CPNE8: variants seen among roughly 807,000 people sequenced by gnomAD.
CPNE8 encodes copine-8.
CPNE8 carries 45 observed loss-of-function variants against 81.5 expected under a neutral mutation model. The observed-to-expected ratio is 0.55, with a 90% CI of 0.44 to 0.71. The LOEUF is 0.71. Among genes scored for constraint, CPNE8 ranks in the 30% least tolerant of loss-of-function variants. CPNE8 has a pLI of 0.00. For missense variants in CPNE8, 594 were observed against 672.1 expected (o/e 0.88, Z 1.28); for synonymous variants, 252 against 226.3 (o/e 1.11, Z -1.02).
At chr12:38,689,269 C>G (rs1303520942) in intron 15 of CPNE8, among the ~76,000 whole-genome samples, 1 of 152,174 alleles carries the variant, frequency 6.6e-6, no homozygotes, top group Non-Finnish European at 1.5e-5. Flanking sequence ...AATCTCACCA[C>G]TCAGACTTAA....
At chr12:38,857,827 C>T (rs1306337880) in intron 3 of CPNE8, among the ~76,000 whole-genome samples, 2 of 152,052 alleles carry the variant, frequency 1.3e-5, no homozygotes, top group Non-Finnish European at 2.9e-5. Context: ...ACCCAGGAGG[C>T]GGAGGTTGCA....
intron 1 of CPNE8, among the ~76,000 whole-genome samples, chr12:38,880,521 C>G (rs1458912485): frequency 1.3e-5 from 2 of 152,170 alleles, no homozygotes; most frequent in Non-Finnish European, 2.9e-5. Context: ...CTGAAAATCC[C>G]TGAGAGTGAC....
intron 1 of CPNE8, among the ~76,000 whole-genome samples, chr12:38,893,279 A>G (rs1428511384): frequency 6.6e-6 from 1 of 152,216 alleles, no homozygotes; most frequent in Non-Finnish European, 1.5e-5. Flanking sequence ...TCACAGAATA[A>G]GATAGAAGTT....
intron 1 of CPNE8, among the ~76,000 whole-genome samples, chr12:38,879,178 T>G (rs1286635734): frequency 2.0e-5 from 3 of 152,122 alleles, no homozygotes; most frequent in African/African-American, 4.8e-5. Context: ...GAATGCACAC[T>G]GTGGTGGAGC....
rs1197082054 is a variant in CPNE8, at chr12:38,735,124, T to C, written c.723-4766A>G. Among the ~76,000 whole-genome samples the C allele has an allele frequency of 1.3e-4, 20 of 152,102 alleles. 1 individual carries two copies. Among genetic ancestry groups the C allele is most frequent in the Admixed American group, 1.3e-3 (20 of 15,260 alleles). On this transcript the variant is annotated intron_variant, in intron 10 of 19. Transcript: ENST00000331366. ...TCTTTTCTCATGGGGAACAACACCC[T>C]TAGTTTTTGTCTCTCATTTGTACTT...
chr12:38,713,460 T>C (rs555707805), intron 13 of CPNE8, among the ~76,000 whole-genome samples: 3 of 152,278 alleles, frequency 2.0e-5, no homozygotes, highest in Admixed American at 2.0e-4. Flanking sequence ...GCCTGGTCCA[T>C]CTGTTTTATC....
chr12:38,665,299 C>T (rs987563737), intron 19 of CPNE8, among the ~76,000 whole-genome samples: 2 of 152,074 alleles, frequency 1.3e-5, no homozygotes, highest in Non-Finnish European at 2.9e-5. Flanking sequence ...GTAATTTAGA[C>T]CCTTATAATA....
intron 19 of CPNE8, among the ~76,000 whole-genome samples, chr12:38,658,434 TGAAAGTGACAG>T (rs1386054305): frequency 1.3e-5 from 2 of 152,290 alleles, no homozygotes; most frequent in East Asian, 3.9e-4. Context: ...TTGGTGTACC[TGAAAGTGACAG>T]GAAAAATGGA....
At chr12:38,715,243 G>T (rs1306257655) in intron 13 of CPNE8, among the ~76,000 whole-genome samples, 1 of 152,034 alleles carries the variant, frequency 6.6e-6, no homozygotes, top group Non-Finnish European at 1.5e-5. Flanking sequence ...CTTGCATCTG[G>T]TCTAAGAGAA....
intron 13 of CPNE8, among the ~76,000 whole-genome samples, chr12:38,714,691 G>A (rs373952334): frequency 7.4e-4 from 113 of 151,854 alleles, no homozygotes; most frequent in African/African-American, 2.5e-3. Flanking sequence ...ATAAAAATTG[G>A]ATTTGGGTTG....
intron 13 of CPNE8, among the ~76,000 whole-genome samples, chr12:38,704,450 A>C (rs1940035230): frequency 6.6e-6 from 1 of 152,118 alleles, no homozygotes; most frequent in Admixed American, 6.6e-5. Flanking sequence ...AATATGTTAC[A>C]AAATGCTCCT....
chr12:38,761,772 A>T (rs1941576708), intron 9 of CPNE8, among the ~76,000 whole-genome samples: 1 of 152,220 alleles, frequency 6.6e-6, no homozygotes, highest in South Asian at 2.1e-4. Context: ...AACTTTTGTG[A>T]ATCAGCAACC....
At chr12:38,795,582 A>G (rs982412460) in intron 6 of CPNE8, among the ~76,000 whole-genome samples, 21 of 152,232 alleles carry the variant, frequency 1.4e-4, no homozygotes, top group African/African-American at 4.8e-4. Context: ...TACAAGAATG[A>G]ATCTTGAAGA....
At chr12:38,790,289 C>T (rs1037967526) in intron 6 of CPNE8, among the ~76,000 whole-genome samples, 6 of 151,618 alleles carry the variant, frequency 4.0e-5, no homozygotes, top group Non-Finnish European at 8.9e-5. Flanking sequence ...CCATTTAAAA[C>T]AATATGGATG....
intron 1 of CPNE8, among the ~76,000 whole-genome samples, chr12:38,895,661 T>C (rs1944379356): frequency 6.6e-6 from 1 of 152,074 alleles, no homozygotes; most frequent in African/African-American, 2.4e-5. Context: ...CAGGAAAGCA[T>C]TCTGTGTTTT....
At chr12:38,890,989 T>C (rs1255004740) in intron 1 of CPNE8, among the ~76,000 whole-genome samples, 10 of 151,626 alleles carry the variant, frequency 6.6e-5, no homozygotes, top group Admixed American at 6.6e-4. Context: ...TGCAGTGGCA[T>C]AGTTTCGGCT....
At chr12:38,784,634 G>C (rs1207248732) in intron 6 of CPNE8, among the ~76,000 whole-genome samples, 1 of 151,934 alleles carries the variant, frequency 6.6e-6, no homozygotes, top group African/African-American at 2.4e-5. Context: ...GCAAGAGAAA[G>C]AAACAAACAC....
chr12:38,704,826 G>GTATATATATA lies in CPNE8; in HGVS notation c.915-1915_915-1906dup, dbSNP rs573232937. Among the ~76,000 whole-genome samples the GTATATATATA allele has an allele frequency of 4.9e-3, 245 of 50,096 alleles. 3 individuals carry two copies. The highest frequency in any genetic ancestry group is 0.026 in the Middle Eastern group (1 of 38). The allele number at this position is 50,096 out of a possible 152,430, so 32.9% of individuals were successfully genotyped here. On this transcript the variant is annotated intron_variant, in intron 13 of 19. Transcript: ENST00000331366. ...GGACCATCTGTGTGTGTATGTATGT[G>GTATATATATA]TATATATATATATATATATATATAT... is the stretch of plus-strand genomic sequence containing the variant.
intron 3 of CPNE8, among the ~76,000 whole-genome samples, chr12:38,870,215 T>A (rs1033219983): frequency 6.6e-6 from 1 of 152,234 alleles, no homozygotes; most frequent in Non-Finnish European, 1.5e-5. Flanking sequence ...TAAACCATTG[T>A]GGAAGACAGT....
Sources: allele counts gnomAD v4.1 joint callset (sites outside exome capture counted in the v4.1 genomes callset), GRCh38; gene constraint gnomAD v4.1.1; transcripts MANE v1.5; gene names NCBI Gene and HGNC (gene_info 2026-07-23, HGNC 2026-07-21).